The following MTMR7 variants were observed in gnomAD, a reference collection of about 807,000 sequenced individuals.
The protein encoded by MTMR7 is phosphatidylinositol-3-phosphate phosphatase MTMR7.
A neutral mutation model predicts 81.2 loss-of-function variants in MTMR7; 76 were observed. The ratio of observed to expected loss-of-function variants is 0.94; its 90% CI spans 0.78 to 1.13. The LOEUF (loss-of-function observed/expected upper bound fraction) is 1.13. MTMR7 is among the 50% of genes most tolerant of loss of function. The pLI, the probability that MTMR7 is intolerant of heterozygous loss-of-function variation, is 0.00. For missense variants in MTMR7, 1,044 were observed against 820.0 expected (o/e 1.27, Z -3.34); for synonymous variants, 372 against 289.8 (o/e 1.28, Z -2.88).
chr8:17,336,628 C>G lies in MTMR7; in HGVS notation c.732+4735G>C, dbSNP rs185977394. ...GTTACACAACTAAAACCTCGCTGAC[C>G]TGGTGAAATCACGGGGCAGAACCAC... On this transcript the variant is annotated intron_variant, in intron 6 of 13. Coordinates refer to ENST00000180173, the MANE Select transcript of MTMR7 (RefSeq NM_004686.5). 2.6e-3 allele frequency among the ~76,000 whole-genome samples: 391 copies of G among 152,324 alleles called. 1 individual carries two copies. The highest frequency in any genetic ancestry group is 4.2e-3 in the Admixed American group (65 of 15,300).
At chr8:17,389,331 G>A (rs900251832) in intron 1 of MTMR7, among the ~76,000 whole-genome samples, 1 of 152,134 alleles carries the variant, frequency 6.6e-6, no homozygotes, top group South Asian at 2.1e-4. Context: ...ATTCTCATGG[G>A]AACCCAAGTT....
chr8:17,360,338 G>T (rs542592371), intron 4 of MTMR7, among the ~76,000 whole-genome samples: 1 of 152,106 alleles, frequency 6.6e-6, no homozygotes, highest in African/African-American at 2.4e-5. Flanking sequence ...ATACCCTTTT[G>T]CTCTATGTTT....
At chr8:17,378,673 C>A (rs1246162807) in intron 1 of MTMR7, among the ~76,000 whole-genome samples, 5 of 152,160 alleles carry the variant, frequency 3.3e-5, no homozygotes, top group Admixed American at 3.3e-4. Flanking sequence ...CTATGGAAAT[C>A]TATGCAAAAG....
chr8:17,380,867 C>A (rs962663589), intron 1 of MTMR7, among the ~76,000 whole-genome samples: 1 of 152,150 alleles, frequency 6.6e-6, no homozygotes, highest in African/African-American at 2.4e-5. Flanking sequence ...CAAAATTATA[C>A]TGTAAAACTA....
rs147780718 is a variant in MTMR7 at position 17,356,921 on chromosome 8, A to G, written c.468+4196T>C. On this transcript the variant is annotated intron_variant, in intron 4 of 13. Coordinates refer to ENST00000180173, the MANE Select transcript of MTMR7 (RefSeq NM_004686.5). Reference sequence around the variant, plus strand: ...TATGTCCACGCAAACACTTTAGAAAAGAATTTTCCAGAATTTAGTAAAGCT... The same window carrying G: ...TATGTCCACGCAAACACTTTAGAAAGGAATTTTCCAGAATTTAGTAAAGCT... Among the ~76,000 whole-genome samples, 447 of 152,306 alleles carry G rather than the reference A, an allele frequency of 2.9e-3. 3 individuals carry two copies. The highest frequency in any genetic ancestry group is 0.01 in the African/African-American group (428 of 41,556).
chr8:17,304,934 T>A (rs887561520), intron 11 of MTMR7, among the ~76,000 whole-genome samples: 1 of 152,138 alleles, frequency 6.6e-6, no homozygotes, highest in Admixed American at 6.5e-5. Context: ...ATAGAGAGAA[T>A]AAGTGGTTTC....
chr8:17,335,194 CAG>C (rs1267580621), intron 6 of MTMR7, among the ~76,000 whole-genome samples: 1 of 152,248 alleles, frequency 6.6e-6, no homozygotes, highest in South Asian at 2.1e-4. Flanking sequence ...TCAGCGCTGA[CAG>C]AGAGGAGGGA....
rs551723358 is a variant in MTMR7 at position 17,358,272 on chromosome 8, A to C, written c.468+2845T>G. On this transcript the variant is annotated intron_variant, in intron 4 of 13. Coordinates refer to ENST00000180173, the MANE Select transcript of MTMR7 (RefSeq NM_004686.5). ...AAAGAGAAAGAAACAGTGGAAATAT[A>C]ATCATATAAAATAGAATTCAAAGTT... is the stretch of plus-strand genomic sequence containing the variant. Among the ~76,000 whole-genome samples, 3 of 152,340 alleles carry C rather than the reference A, an allele frequency of 2.0e-5. No individual in the cohort carries two copies. The South Asian group carries it at 6.2e-4, about 32-fold the overall frequency.
chr8:17,303,298 T>C (rs1817246798), intron 12 of MTMR7, among the ~76,000 whole-genome samples: 1 of 152,150 alleles, frequency 6.6e-6, no homozygotes. Flanking sequence ...GGCTTTTGTT[T>C]AGTATGATAG....
chr8:17,343,505 T>C (rs1819466687), intron 5 of MTMR7, among the ~76,000 whole-genome samples: 1 of 151,456 alleles, frequency 6.6e-6, no homozygotes, highest in Admixed American at 6.6e-5. Context: ...TAGATGGGGA[T>C]GGTAACACAT....
intron 4 of MTMR7, among the ~76,000 whole-genome samples, chr8:17,355,095 G>T (rs1353180943): frequency 6.6e-6 from 1 of 152,090 alleles, no homozygotes; most frequent in East Asian, 1.9e-4. Flanking sequence ...ATTCTAGAAG[G>T]AAATCTCATC....
At chr8:17,371,445 T>A (rs1820416907) in intron 2 of MTMR7, among the ~76,000 whole-genome samples, 1 of 152,228 alleles carries the variant, frequency 6.6e-6, no homozygotes, top group Non-Finnish European at 1.5e-5. Flanking sequence ...AGTAAACCAT[T>A]CAGCATATAA....
chr8:17,307,299 T>C (rs528023465), intron 10 of MTMR7, among the ~76,000 whole-genome samples: 1 of 152,324 alleles, frequency 6.6e-6, no homozygotes, highest in East Asian at 1.9e-4. Context: ...TCATCATCAC[T>C]GGCCATCAGA....
At chr8:17,410,744 C>G (rs953704389) in intron 1 of MTMR7, among the ~76,000 whole-genome samples, 3 of 152,330 alleles carry the variant, frequency 2.0e-5, no homozygotes, top group African/African-American at 4.8e-5. Flanking sequence ...AAACTGCACT[C>G]CAGAGACTAA....
intron 1 of MTMR7, among the ~76,000 whole-genome samples, chr8:17,406,286 G>T (rs967801642): frequency 4.6e-5 from 7 of 152,048 alleles, no homozygotes; most frequent in Non-Finnish European, 8.8e-5. Context: ...ACATAATTTT[G>T]CAACCCAATA....
In MTMR7 at chr8:17,297,393, C is replaced by A. The variant is rs920793492; in HGVS notation, c.*2469G>T. 2 of 151,976 alleles carry A rather than the reference C, an allele frequency of 1.3e-5. No individual in the cohort carries two copies. The highest frequency in any genetic ancestry group is 4.8e-5 in the African/African-American group (2 of 41,412). The allele number at this position is 151,976 out of a possible 1,614,324, so 9.4% of individuals were successfully genotyped here. On this transcript the variant is annotated 3_prime_UTR_variant, in exon 14 of 14. Coordinates refer to ENST00000180173, the MANE Select transcript of MTMR7 (RefSeq NM_004686.5). ...AGAGGGTGCTTGACACATATATATG[C>A]TTAAATTGAAGGACAGCTCAGATTC...
chr8:17,395,509 C>T (rs1256890559), intron 1 of MTMR7, among the ~76,000 whole-genome samples: 3 of 152,164 alleles, frequency 2.0e-5, no homozygotes, highest in African/African-American at 7.2e-5. Flanking sequence ...TTTTCCACAG[C>T]AGCAGTACCA....
At chr8:17,411,498 T>C (rs1230882053) in intron 1 of MTMR7, among the ~76,000 whole-genome samples, 1 of 152,236 alleles carries the variant, frequency 6.6e-6, no homozygotes, top group Non-Finnish European at 1.5e-5. Context: ...AGGTTCTAAA[T>C]GCTTGTAGAA....
At position 17,313,408 on chromosome 8, in the gene MTMR7, G is replaced by C. The variant is rs1817897135; in HGVS notation, c.866-7C>G. ...GGAGATTTAAGTTCACACACTGCAA[G>C]ATAAATCATGTTATAAAAGCAAAAT... On this transcript the variant is annotated splice_region_variant and splice_polypyrimidine_tract_variant and intron_variant, in intron 7 of 13. Transcript: ENST00000180173. 1 of 1,581,952 alleles carries C rather than the reference G, an allele frequency of 6.3e-7. No homozygotes were observed. The highest frequency in any genetic ancestry group is 1.3e-5 in the African/African-American group (1 of 74,280).
Sources: gnomAD v4.1 joint callset for allele counts (sites outside exome capture counted in the v4.1 genomes callset) on GRCh38, gnomAD v4.1.1 for gene constraint, MANE v1.5 for transcripts, NCBI Gene and HGNC (gene_info 2026-07-23, HGNC 2026-07-21) for gene names.